Variants in GLG1 observed in about 807,000 individuals in gnomAD.
The protein encoded by GLG1 is Golgi apparatus protein 1.
GLG1 carries 38 observed loss-of-function variants against 160.5 expected under a neutral mutation model. The observed-to-expected ratio is 0.24, with a 90% CI of 0.18 to 0.31. GLG1 has a LOEUF of 0.31. Among genes scored for constraint, GLG1 ranks in the 10% least tolerant of loss-of-function variants. The pLI is 1.00. For missense variants in GLG1, 1,373 were observed against 1,505.2 expected (o/e 0.91, Z 1.45); for synonymous variants, 644 against 543.4 (o/e 1.19, Z -2.57).
intron 1 of GLG1, among the ~76,000 whole-genome samples, chr16:74,573,581 CTTTTTTTTTT>C (rs34868210): frequency 1.9e-5 from 2 of 102,662 alleles, no homozygotes; most frequent in African/African-American, 4.0e-5. Flanking sequence ...TTTATCTTGC[CTTTTTTTTTT>C]TTTTTTTTTT....
chr16:74,565,774 C>T (rs1445391948), intron 1 of GLG1, among the ~76,000 whole-genome samples: 1 of 152,228 alleles, frequency 6.6e-6, no homozygotes, highest in African/African-American at 2.4e-5. Context: ...TTAAATTTGT[C>T]TGAAGTTTTT....
At chr16:74,546,164 C>A (rs189913729) in intron 1 of GLG1, among the ~76,000 whole-genome samples, 10 of 152,212 alleles carry the variant, frequency 6.6e-5, no homozygotes, top group Admixed American at 6.5e-4. Context: ...AAACACAAGG[C>A]TTTGTAGCTC....
At chr16:74,583,297 G>A (rs1957977649) in intron 1 of GLG1, among the ~76,000 whole-genome samples, 2 of 152,106 alleles carry the variant, frequency 1.3e-5, no homozygotes, top group African/African-American at 4.8e-5. Context: ...TCCTCTTACT[G>A]GAAACTGCCT....
intron 1 of GLG1, among the ~76,000 whole-genome samples, chr16:74,540,303 G>A (rs2017826647): frequency 6.8e-6 from 1 of 147,694 alleles, no homozygotes; most frequent in Admixed American, 6.9e-5. Context: ...AGTATAAACT[G>A]TAAATTTTAT....
intron 1 of GLG1, among the ~76,000 whole-genome samples, chr16:74,574,062 C>T (rs930258689): frequency 5.3e-5 from 8 of 152,238 alleles, no homozygotes; most frequent in East Asian, 1.9e-4. Context: ...CATGCGTGTG[C>T]ACGCGCACAC....
chr16:74,564,874 A>T (rs576438133), intron 1 of GLG1, among the ~76,000 whole-genome samples: 3 of 152,314 alleles, frequency 2.0e-5, no homozygotes, highest in Admixed American at 2.0e-4. Context: ...AAAACAAGAG[A>T]TCCCAGCATA....
chr16:74,494,953 A>G, intron 5 of GLG1, 122 bp from the exon 6 acceptor site: 1 of 493,098 alleles, frequency 2.0e-6, no homozygotes, highest in South Asian at 3.4e-5. Context: ...TTGGACAAAC[A>G]GCGCTTCCAT....
intron 1 of GLG1, among the ~76,000 whole-genome samples, chr16:74,534,351 T>A (rs2017628774): frequency 6.7e-6 from 1 of 149,450 alleles, no homozygotes; most frequent in South Asian, 2.1e-4. Flanking sequence ...ACTATCCTTT[T>A]AAAATCTATC....
At chr16:74,478,393 T>C (rs1210217403) in intron 11 of GLG1, among the ~76,000 whole-genome samples, 1 of 152,052 alleles carries the variant, frequency 6.6e-6, no homozygotes, top group East Asian at 1.9e-4. Context: ...AGGTGAAAAC[T>C]AGTATTTTTC....
chr16:74,592,264 T>A (rs1160260795), intron 1 of GLG1, among the ~76,000 whole-genome samples: 1 of 152,200 alleles, frequency 6.6e-6, no homozygotes, highest in East Asian at 1.9e-4. Flanking sequence ...TGCCTCAGCC[T>A]CCTGAGTAGC....
intron 1 of GLG1, among the ~76,000 whole-genome samples, chr16:74,541,064 G>A (rs771924897): frequency 5.9e-5 from 9 of 152,262 alleles, no homozygotes; most frequent in East Asian, 1.9e-4. Context: ...GGTGGCTCAC[G>A]TCTGTAATCC....
intron 2 of GLG1, among the ~76,000 whole-genome samples, chr16:74,520,009 T>G (rs2017109620): frequency 6.6e-6 from 1 of 152,206 alleles, no homozygotes; most frequent in Non-Finnish European, 1.5e-5. Flanking sequence ...CCTATACGAC[T>G]TTTAGTTTGC....
chr16:74,571,681 C>T (rs1246137470), intron 1 of GLG1, among the ~76,000 whole-genome samples: 9 of 151,492 alleles, frequency 5.9e-5, no homozygotes, highest in East Asian at 1.9e-4. Flanking sequence ...AAAAATTAGC[C>T]GGGCACAGTG....
At position 74,465,056 on chromosome 16, in the gene GLG1, C is replaced by T. The variant is rs928585073; in HGVS notation, c.2667+620G>A. Among the ~76,000 whole-genome samples the T allele has an allele frequency of 1.8e-4, 28 of 152,102 alleles. 1 individual carries two copies. Among genetic ancestry groups the T allele is most frequent in the Admixed American group, 1.6e-3 (25 of 15,276 alleles). ...GTTTCACCATGTTGGCCAGGCTGGTCTCGAACTCCTGACCTCAGGTGATCC... is the reference window on the plus strand; with the variant it reads ...GTTTCACCATGTTGGCCAGGCTGGTTTCGAACTCCTGACCTCAGGTGATCC... On this transcript the variant is annotated intron_variant, in intron 19 of 25. Coordinates refer to ENST00000422840, the MANE Select transcript of GLG1 (RefSeq NM_001145667.2).
intron 1 of GLG1, among the ~76,000 whole-genome samples, chr16:74,545,278 TCAAGTGACC>T (rs1189867956): frequency 2.0e-4 from 31 of 152,038 alleles, no homozygotes; most frequent in Non-Finnish European, 3.8e-4. Context: ...CCTCCCAGCC[TCAAGTGACC>T]CTCTCACCTC....
intron 1 of GLG1, among the ~76,000 whole-genome samples, chr16:74,564,516 C>G (rs1283029030): frequency 6.6e-6 from 1 of 152,176 alleles, no homozygotes; most frequent in Non-Finnish European, 1.5e-5. Flanking sequence ...AATGGTCTCT[C>G]TTCAGCAGGA....
chr16:74,496,654 C>T lies in GLG1; in HGVS notation c.775-10G>A, dbSNP rs749833924. ...CTTGTGAATGTGCATCCTAAAATAGCGAGGATATTAATATTTTAAAACTTT... is the reference window on the plus strand; with the variant it reads ...CTTGTGAATGTGCATCCTAAAATAGTGAGGATATTAATATTTTAAAACTTT... On this transcript the variant is annotated splice_polypyrimidine_tract_variant and intron_variant, in intron 4 of 25. Transcript: ENST00000422840. The T allele has an allele frequency of 1.9e-5, 29 of 1,518,274 alleles. No individual in the cohort carries two copies. The highest frequency in any genetic ancestry group is 2.8e-5 in the African/African-American group (2 of 71,822). The allele number at this position is 1,518,274 out of a possible 1,614,324, so 94.1% of individuals were successfully genotyped here. A position where few individuals can be genotyped will look rare whatever the true frequency, so the allele number is the denominator to read the frequency against.
chr16:74,582,737 T>A (rs1372602716), intron 1 of GLG1, among the ~76,000 whole-genome samples: 137 of 152,016 alleles, frequency 9.0e-4, no homozygotes, highest in Non-Finnish European at 7.4e-5. Flanking sequence ...GAGAATGGTG[T>A]GAACCCGGGA....
At chr16:74,541,116 G>A (rs894359313) in intron 1 of GLG1, among the ~76,000 whole-genome samples, 12 of 152,064 alleles carry the variant, frequency 7.9e-5, no homozygotes, top group African/African-American at 2.4e-4. Flanking sequence ...ACAAGGTCAG[G>A]TGTTCGAGAC....
Sources: gnomAD v4.1 joint callset for allele counts (sites outside exome capture counted in the v4.1 genomes callset) on GRCh38, gnomAD v4.1.1 for gene constraint, MANE v1.5 for transcripts, NCBI Gene and HGNC (gene_info 2026-07-23, HGNC 2026-07-21) for gene names.